The following TAFA5 variants were observed in gnomAD, a reference collection of about 807,000 sequenced individuals.
TAFA5 encodes the protein TAFA chemokine like family member 5.
TAFA5 carries 6 observed loss-of-function variants against 15.3 expected under a neutral mutation model. The ratio of observed to expected loss-of-function variants is 0.39; its 90% confidence interval spans 0.21 to 0.77. The LOEUF is 0.77. Among genes scored for constraint, TAFA5 ranks in the 30% least tolerant of loss-of-function variants. TAFA5 has a pLI of 0.41. For missense variants in TAFA5, 161 were observed against 193.1 expected, an observed-to-expected ratio of 0.83 and a Z score of 0.98; for synonymous variants, 103 against 80.7, an observed-to-expected ratio of 1.28 and a Z score of -1.48.
chr22:48,636,586 G>C (rs936826426), intron 1 of TAFA5, among the ~76,000 whole-genome samples: 8 of 151,108 alleles, frequency 5.3e-5, no homozygotes, highest in Non-Finnish European at 1.0e-4. Flanking sequence ...TTGTGGGCCT[G>C]TGTGGATCGC....
At chr22:48,526,281 G>A (rs372931249) in intron 1 of TAFA5, among the ~76,000 whole-genome samples, 1 of 152,228 alleles carries the variant, frequency 6.6e-6, no homozygotes, top group African/African-American at 2.4e-5. Flanking sequence ...TGTGTCTTTG[G>A]GGAGGTCCCC....
chr22:48,628,332 C>T (rs1241420509), intron 1 of TAFA5, among the ~76,000 whole-genome samples: 1 of 152,240 alleles, frequency 6.6e-6, no homozygotes, highest in East Asian at 1.9e-4. Context: ...CCCTCCGTGC[C>T]AGTCCCAGCC....
At position 48,702,140 on chromosome 22, in the gene TAFA5, TGC is replaced by T. The variant is rs199599023; in HGVS notation, c.263-5575_263-5574del. Among the ~76,000 whole-genome samples, 59 of 150,156 alleles carry T rather than the reference TGC, an allele frequency of 3.9e-4. 1 individual carries two copies. The highest frequency in any genetic ancestry group is 8.5e-4 in the South Asian group (4 of 4,716). ...GGACTTGTGTGTGAGTGTGTGTGTG[TGC>T]GTGTGTGCGTTTGTGTGTGGACATG... On this transcript the variant is annotated intron_variant, in intron 2 of 3. Transcript: ENST00000402357.
intron 2 of TAFA5, among the ~76,000 whole-genome samples, chr22:48,697,505 T>C (rs1928752469): frequency 6.6e-6 from 1 of 152,052 alleles, no homozygotes; most frequent in Non-Finnish European, 1.5e-5. Context: ...ATGAAGGTTA[T>C]GATAATGACA....
At chr22:48,747,838 G>A (rs1216935223) in intron 3 of TAFA5, among the ~76,000 whole-genome samples, 3 of 151,280 alleles carry the variant, frequency 2.0e-5, no homozygotes, top group African/African-American at 4.9e-5. Context: ...CAGAGGTTGC[G>A]GTGAGCCGAG....
intron 1 of TAFA5, among the ~76,000 whole-genome samples, chr22:48,517,655 C>T (rs1456341493): frequency 1.3e-5 from 2 of 152,184 alleles, no homozygotes; most frequent in East Asian, 1.9e-4. Flanking sequence ...CCTTGAATTG[C>T]GTCCTGGTGA....
chr22:48,637,642 G>A (rs994814297), intron 1 of TAFA5, among the ~76,000 whole-genome samples: 7 of 152,066 alleles, frequency 4.6e-5, no homozygotes, highest in Admixed American at 1.3e-4. Flanking sequence ...ATGAAATCCC[G>A]CACCCTCGCT....
At chr22:48,734,214 G>C (rs935957752) in intron 3 of TAFA5, among the ~76,000 whole-genome samples, 1 of 152,132 alleles carries the variant, frequency 6.6e-6, no homozygotes, top group African/African-American at 2.4e-5. Context: ...GTTGGCACCT[G>C]TGTAAAATGT....
At chr22:48,695,705 G>A (rs1399625579) in intron 2 of TAFA5, among the ~76,000 whole-genome samples, 2 of 152,258 alleles carry the variant, frequency 1.3e-5, no homozygotes, top group Non-Finnish European at 2.9e-5. Flanking sequence ...TTGGGGGTGG[G>A]CAAGGGCACC....
intron 3 of TAFA5, among the ~76,000 whole-genome samples, chr22:48,739,490 C>T (rs1930120653): frequency 6.6e-6 from 1 of 152,186 alleles, no homozygotes; most frequent in Non-Finnish European, 1.5e-5. Context: ...TGCCTGTGCA[C>T]ACTAATCCCA....
At chr22:48,656,430 CG>C in intron 2 of TAFA5, among the ~76,000 whole-genome samples, 1 of 151,622 alleles carries the variant, frequency 6.6e-6, no homozygotes, top group South Asian at 2.1e-4. Context: ...TGCTTGAACC[CG>C]GGAGGCGGAG....
intron 1 of TAFA5, among the ~76,000 whole-genome samples, chr22:48,527,802 C>T (rs1055552669): frequency 1.3e-5 from 2 of 152,136 alleles, no homozygotes; most frequent in African/African-American, 2.4e-5. Context: ...CGATGGTGGC[C>T]GGGAGGTCAG....
At chr22:48,741,568 T>C (rs6010518) in intron 3 of TAFA5, among the ~76,000 whole-genome samples, 6,901 of 152,226 alleles carry the variant, frequency 0.045, 506 homozygotes, top group African/African-American at 0.15. Context: ...AGATAGGGCC[T>C]TAAAGGAGAG....
intron 3 of TAFA5, among the ~76,000 whole-genome samples, chr22:48,726,620 C>T (rs1309006389): frequency 4.5e-5 from 6 of 133,668 alleles, no homozygotes; most frequent in Admixed American, 1.5e-4. Context: ...GTAGTCTGGA[C>T]GGGAGAATCA....
chr22:48,651,312 C>T (rs908858352), intron 2 of TAFA5, among the ~76,000 whole-genome samples: 3 of 152,208 alleles, frequency 2.0e-5, no homozygotes, highest in African/African-American at 7.2e-5. Context: ...TGGCACAGCG[C>T]AGACCCATTG....
At chr22:48,493,957 A>AG (rs1381383929) in intron 1 of TAFA5, among the ~76,000 whole-genome samples, 2 of 152,170 alleles carry the variant, frequency 1.3e-5, no homozygotes, top group African/African-American at 2.4e-5. Flanking sequence ...TAGGGCCAGA[A>AG]GGGGGGTCTC....
chr22:48,547,821 A>T (rs1414318928), intron 1 of TAFA5, among the ~76,000 whole-genome samples: 1 of 152,078 alleles, frequency 6.6e-6, no homozygotes, highest in Non-Finnish European at 1.5e-5. Flanking sequence ...GAGGACTCTG[A>T]GTTTGACGAC....
intron 1 of TAFA5, among the ~76,000 whole-genome samples, chr22:48,551,823 C>G (rs1412482096): frequency 6.6e-6 from 1 of 152,226 alleles, no homozygotes; most frequent in Non-Finnish European, 1.5e-5. Context: ...CGCCCGCTCC[C>G]CTGGCTGGCC....
chr22:48,590,113 AG>A (rs1924509376), intron 1 of TAFA5, among the ~76,000 whole-genome samples: 1 of 151,896 alleles, frequency 6.6e-6, no homozygotes, highest in Non-Finnish European at 1.5e-5. Context: ...GAGGACCTGG[AG>A]GGGACAGATG....
Sources: gnomAD v4.1 joint callset for allele counts (sites outside exome capture counted in the v4.1 genomes callset) on GRCh38, gnomAD v4.1.1 for gene constraint, MANE v1.5 for transcripts, NCBI Gene and HGNC (gene_info 2026-07-23, HGNC 2026-07-21) for gene names.